The following ST8SIA6 variants were observed in gnomAD, a reference collection of about 807,000 sequenced individuals.
The protein encoded by ST8SIA6 is alpha-2,8-sialyltransferase 8F.
ST8SIA6 carries 39 observed loss-of-function variants against 33.6 expected under a neutral mutation model. The observed-to-expected ratio is 1.16, with a 90% CI of 0.90 to 1.52. The LOEUF (loss-of-function observed/expected upper bound fraction) is 1.52, where lower values mean the gene tolerates loss of function less well. Among genes scored for constraint, ST8SIA6 ranks in the 40% most tolerant of loss-of-function variants. The pLI is 0.00. For synonymous variants in ST8SIA6, 172 were observed against 167.2 expected (o/e 1.03, Z -0.22); for missense variants, 441 against 443.8 (o/e 0.99, Z 0.06).
chr10:17,401,308 A>G (rs553672228), intron 2 of ST8SIA6, among the ~76,000 whole-genome samples: 14 of 152,234 alleles, frequency 9.2e-5, no homozygotes, highest in Admixed American at 2.0e-4. Flanking sequence ...AGAACATTCC[A>G]TGCTCATGGA....
chr10:17,357,840 A>T (rs1054959345), intron 4 of ST8SIA6, among the ~76,000 whole-genome samples: 13 of 152,210 alleles, frequency 8.5e-5, no homozygotes, highest in African/African-American at 3.1e-4. Context: ...TCTTAGATTG[A>T]TCCTCAATAG....
chr10:17,354,961 C>T (rs1420503091), intron 4 of ST8SIA6, among the ~76,000 whole-genome samples: 5 of 152,162 alleles, frequency 3.3e-5, no homozygotes, highest in Non-Finnish European at 7.3e-5. Flanking sequence ...AAGTTTGAGA[C>T]TCAAGCGCCA....
chr10:17,401,577 A>G (rs966228399), intron 2 of ST8SIA6, among the ~76,000 whole-genome samples: 1 of 152,226 alleles, frequency 6.6e-6, no homozygotes, highest in African/African-American at 2.4e-5. Context: ...TGGTACCAAA[A>G]CAAAGATGGA....
Position 17,321,355 on chromosome 10 carries a change from T to C in ST8SIA6, c.729-9A>G, listed in dbSNP as rs778843494. The C allele has an allele frequency of 1.3e-6, 2 of 1,571,696 alleles. No individual in the cohort carries two copies. The highest frequency in any genetic ancestry group is 1.4e-5 in the African/African-American group (1 of 72,360). ...CCTTTAAGTTCCCATATCTGCCAAA[T>C]TAAAAAAAAATTATAGTAATCCCAA... On this transcript the variant is annotated splice_polypyrimidine_tract_variant and intron_variant, in intron 7 of 7. Transcript: ENST00000377602.
intron 3 of ST8SIA6, among the ~76,000 whole-genome samples, chr10:17,379,018 G>C (rs1006458887): frequency 1.3e-5 from 2 of 151,806 alleles, no homozygotes. Flanking sequence ...CCCAGCTACT[G>C]GGGAGGCTGA....
chr10:17,379,335 G>C (rs1850043795), intron 3 of ST8SIA6, among the ~76,000 whole-genome samples: 1 of 150,762 alleles, frequency 6.6e-6, no homozygotes, highest in Non-Finnish European at 1.5e-5. Flanking sequence ...GAAAAGGAGA[G>C]GGTGAGAGAC....
intron 4 of ST8SIA6, among the ~76,000 whole-genome samples, chr10:17,357,915 A>G (rs1449513466): frequency 6.6e-6 from 1 of 152,148 alleles, no homozygotes; most frequent in Non-Finnish European, 1.5e-5. Flanking sequence ...AGGTTTCTCA[A>G]AATCAGACTC....
intron 3 of ST8SIA6, among the ~76,000 whole-genome samples, chr10:17,382,113 TTAAAA>T (rs1369023649): frequency 8.5e-5 from 13 of 152,196 alleles, no homozygotes; most frequent in Admixed American, 2.0e-4. Context: ...AGGTAAACTA[TTAAAA>T]TAAATAATTA....
intron 3 of ST8SIA6, among the ~76,000 whole-genome samples, chr10:17,372,542 A>G (rs1849769406): frequency 6.6e-6 from 1 of 152,200 alleles, no homozygotes; most frequent in Non-Finnish European, 1.5e-5. Context: ...AGTAAAACCT[A>G]CTCTGAAGAA....
At chr10:17,449,742 A>T (rs1390155146) in intron 2 of ST8SIA6, among the ~76,000 whole-genome samples, 1 of 152,224 alleles carries the variant, frequency 6.6e-6, no homozygotes, top group Admixed American at 6.5e-5. Context: ...CATCAGGGCA[A>T]ATAGAATATG....
At chr10:17,404,269 C>G (rs939124054) in intron 2 of ST8SIA6, among the ~76,000 whole-genome samples, 1 of 151,998 alleles carries the variant, frequency 6.6e-6, no homozygotes, top group Non-Finnish European at 1.5e-5. Flanking sequence ...ATAACATACC[C>G]GAAGTCGCTG....
chr10:17,420,551 A>T (rs1290520677), intron 2 of ST8SIA6, among the ~76,000 whole-genome samples: 2 of 152,250 alleles, frequency 1.3e-5, no homozygotes, highest in African/African-American at 4.8e-5. Context: ...CTAGATACTC[A>T]TGCATATCTC....
chr10:17,374,750 TAA>T lies in ST8SIA6; in HGVS notation c.291-15152_291-15151del, dbSNP rs1588855955. ...AATAAATAAATAAATAAATAAATAA[TAA>T]ATATATATATATATATTTAGCTCAA... On this transcript the variant is annotated intron_variant, in intron 3 of 7. Coordinates refer to ENST00000377602, the MANE Select transcript of ST8SIA6 (RefSeq NM_001004470.3). Among the ~76,000 whole-genome samples the T allele has an allele frequency of 4.1e-5, 4 of 96,520 alleles. 1 individual carries two copies. Among genetic ancestry groups the T allele is most frequent in the African/African-American group, 1.2e-4 (3 of 24,766 alleles). 63.3% of individuals were successfully genotyped at this position (96,520 alleles called of 152,430 possible).
chr10:17,321,235 A>G lies in ST8SIA6; in HGVS notation c.840T>C (p.Ser280=), dbSNP rs1426177221. The G allele has an allele frequency of 6.2e-7, 1 of 1,614,066 alleles. No homozygotes were observed. Among genetic ancestry groups the G allele is most frequent in the Non-Finnish European group, 8.5e-7 (1 of 1,179,958 alleles). Residue 280 remains serine (S), a synonymous_variant, in exon 8 of 8, where the codon TCT becomes TCC. Coordinates refer to ENST00000377602, the MANE Select transcript of ST8SIA6 (RefSeq NM_001004470.3). Reference sequence around the variant, plus strand: ...CTTCGAGCGTGTAGTATACTTTGAAAGAGGTACCCGTGTTGGCCCTGAAGG... The same window carrying G: ...CTTCGAGCGTGTAGTATACTTTGAAGGAGGTACCCGTGTTGGCCCTGAAGG... The part of the protein sequence containing the change: ...AFSFRANTGT[S]FKVYYTLEES...
chr10:17,379,372 G>A (rs921792616), intron 3 of ST8SIA6, among the ~76,000 whole-genome samples: 7 of 152,180 alleles, frequency 4.6e-5, no homozygotes, highest in Non-Finnish European at 8.8e-5. Context: ...CGTTTGTTCC[G>A]TGATGCAGCA....
At chr10:17,432,475 C>A (rs555153532) in intron 2 of ST8SIA6, among the ~76,000 whole-genome samples, 8 of 151,598 alleles carry the variant, frequency 5.3e-5, no homozygotes, top group African/African-American at 1.9e-4. Context: ...AGACTACCTG[C>A]GTTTATGATA....
intron 2 of ST8SIA6, among the ~76,000 whole-genome samples, chr10:17,425,633 G>GGA (rs772312996): frequency 0.026 from 3,096 of 117,240 alleles, 72 homozygotes; most frequent in East Asian, 0.11. Context: ...AAGAAAGAAA[G>GGA]AGAGGAAGAA....
At chr10:17,340,137 G>A (rs896389240) in intron 4 of ST8SIA6, among the ~76,000 whole-genome samples, 4 of 152,250 alleles carry the variant, frequency 2.6e-5, no homozygotes, top group South Asian at 2.1e-4. Flanking sequence ...TCAGTATGTC[G>A]ATATGTTCAG....
chr10:17,400,877 G>C (rs1233776809), intron 2 of ST8SIA6, among the ~76,000 whole-genome samples: 2 of 152,166 alleles, frequency 1.3e-5, no homozygotes, highest in African/African-American at 4.8e-5. Flanking sequence ...CATGAGACAG[G>C]GATGCCCTCC....
Sources: gnomAD v4.1 joint callset for allele counts (sites outside exome capture counted in the v4.1 genomes callset) on GRCh38, gnomAD v4.1.1 for gene constraint, MANE v1.5 for transcripts, NCBI Gene and HGNC (gene_info 2026-07-23, HGNC 2026-07-21) for gene names.